The following MTHFD1 variants were observed in gnomAD, a reference collection of about 807,000 sequenced individuals.
The protein encoded by MTHFD1 is methylenetetrahydrofolate dehydrogenase, cyclohydrolase and formyltetrahydrofolate synthetase 1.
A neutral mutation model predicts 110.3 loss-of-function variants in MTHFD1; 44 were observed. The ratio of observed to expected loss-of-function variants is 0.40; its 90% CI spans 0.31 to 0.51. The LOEUF (loss-of-function observed/expected upper bound fraction) is 0.51, where lower values mean the gene tolerates loss of function less well. Ranked by LOEUF, MTHFD1 falls within the 20% of genes least tolerant of loss-of-function variation. The pLI is 0.60. For synonymous variants in MTHFD1, 402 were observed against 428.8 expected (o/e 0.94, Z 0.77); for missense variants, 909 against 1,173.1 (o/e 0.77, Z 3.29).
At chr14:64,404,921 A>G (rs1334753295) in intron 2 of MTHFD1, among the ~76,000 whole-genome samples, 1 of 152,038 alleles carries the variant, frequency 6.6e-6, no homozygotes, top group Non-Finnish European at 1.5e-5. Flanking sequence ...CAGTGAGCTG[A>G]GATTGTGCCA....
At chr14:64,406,498 T>TG (rs955985307) in intron 2 of MTHFD1, among the ~76,000 whole-genome samples, 3 of 148,246 alleles carry the variant, frequency 2.0e-5, no homozygotes, top group African/African-American at 5.0e-5. Context: ...TGGTTTTTTT[T>TG]TTTTTTTTTT....
Position 64,453,855 on chromosome 14 carries a change from G to A in MTHFD1, c.2559G>A (p.Thr853=), listed in dbSNP as rs776644712. The A allele has an allele frequency of 5.0e-6, 8 of 1,593,012 alleles. No individual in the cohort carries two copies. The highest frequency in any genetic ancestry group is 2.2e-5 in the East Asian group (1 of 44,756). The part of the protein sequence containing the change: ...PEAQHKAEVY[T]KQGFGNLPIC... Reference sequence around the variant, plus strand: ...CTCAACACAAAGCTGAAGTCTACACGAAGCAGGTAGATGTTTGGTTAGTTT... The same window carrying A: ...CTCAACACAAAGCTGAAGTCTACACAAAGCAGGTAGATGTTTGGTTAGTTT... Residue 853 remains threonine (T), a synonymous_variant, in exon 25 of 28, where the codon ACG becomes ACA. Coordinates refer to ENST00000652337, the MANE Select transcript of MTHFD1 (RefSeq NM_005956.4).
chr14:64,448,016 G>A (rs1482531414), intron 22 of MTHFD1: 6 of 608,588 alleles, frequency 9.9e-6, no homozygotes, highest in Non-Finnish European at 1.8e-5. Flanking sequence ...GTCATAGGCT[G>A]GAGTGAAAGC....
In MTHFD1 at chr14:64,431,586, G is replaced by T; in HGVS notation, c.1366G>T (p.Val456Phe). 6.2e-7 allele frequency: 1 copy of T among 1,614,146 alleles called. No individual in the cohort carries two copies. The highest frequency in any genetic ancestry group is 2.2e-5 in the East Asian group (1 of 44,878). Residue 456 changes from valine (V) to phenylalanine (F), a missense_variant, in exon 14 of 28, where the codon GTT becomes TTT. Around this residue, in one of 3 missense-constraint regions of MTHFD1, gnomAD observed 482 missense variants for 646.0 expected, o/e 0.75. Transcript: ENST00000652337. ...TGCCATCACTGCAGCTAATAACCTC[G>T]TTGCTGCGGCCATTGATGCTCGGAT... ...IHAITAANNL[V>F]AAAIDARIFH...
At position 64,459,957 on chromosome 14, in the gene MTHFD1, CTGTTT is replaced by C; in HGVS notation, c.*204_*208del. Reference sequence around the variant, plus strand: ...ATAAATTAACATAAATCATGCATGTCTGTTTACTTTAGTGACGTTCCACAGAATAA... The same window carrying C: ...ATAAATTAACATAAATCATGCATGTCACTTTAGTGACGTTCCACAGAATAA... On this transcript the variant is annotated 3_prime_UTR_variant, in exon 28 of 28. Coordinates refer to ENST00000652337, the MANE Select transcript of MTHFD1 (RefSeq NM_005956.4). The C allele has an allele frequency of 1.3e-6, 2 of 1,519,050 alleles. No individual in the cohort carries two copies. Among genetic ancestry groups the C allele is most frequent in the Non-Finnish European group, 1.8e-6 (2 of 1,132,444 alleles). The allele number at this position is 1,519,050 out of a possible 1,614,324, so 94.1% of individuals were successfully genotyped here.
intron 15 of MTHFD1, among the ~76,000 whole-genome samples, chr14:64,434,948 T>TG (rs2078192592): frequency 8.2e-6 from 1 of 121,576 alleles, no homozygotes; most frequent in East Asian, 2.4e-4. Flanking sequence ...CTCCCTCTTT[T>TG]CTTTTTTTTT....
intron 23 of MTHFD1, 72 bp from the exon 24 acceptor site, chr14:64,449,373 A>C (rs1428969262): frequency 6.4e-7 from 1 of 1,557,022 alleles, no homozygotes. Flanking sequence ...CATGAGGTTT[A>C]ATGGCAAAAA....
chr14:64,441,732 G>A, intron 19 of MTHFD1: 2 of 549,236 alleles, frequency 3.6e-6, no homozygotes, highest in Admixed American at 6.0e-5. Context: ...GAACCTGGGA[G>A]GCAGAGCTTG....
chr14:64,389,577 C>T (rs2077788448), intron 1 of MTHFD1, among the ~76,000 whole-genome samples: 1 of 152,032 alleles, frequency 6.6e-6, no homozygotes, highest in Admixed American at 6.6e-5. Flanking sequence ...AGTGTGGTGG[C>T]AGGCATCTGT....
At chr14:64,437,452 A>C (rs754308183) in intron 16 of MTHFD1, among the ~76,000 whole-genome samples, 6 of 152,182 alleles carry the variant, frequency 3.9e-5, no homozygotes, top group Non-Finnish European at 7.3e-5. Flanking sequence ...TCAGCACCTC[A>C]CTTCTGACAC....
intron 11 of MTHFD1, among the ~76,000 whole-genome samples, chr14:64,426,493 C>G (rs1225103195): frequency 6.6e-6 from 1 of 152,126 alleles, no homozygotes; most frequent in Non-Finnish European, 1.5e-5. Flanking sequence ...TGTTTTGAGA[C>G]AGAGTCTCGC....
At chr14:64,444,845 G>T in intron 22 of MTHFD1, 111 bp downstream of exon 22, 2 of 1,204,542 alleles carry the variant, frequency 1.7e-6, no homozygotes, top group Non-Finnish European at 2.5e-6. Flanking sequence ...GACCCAGGGT[G>T]CAGGGTGCCA....
intron 1 of MTHFD1, among the ~76,000 whole-genome samples, chr14:64,397,138 AATATATATATATATATATATATATATAT>A (rs1182197415): frequency 8.4e-4 from 10 of 11,946 alleles, no homozygotes; most frequent in East Asian, 2.6e-3. Flanking sequence ...AAAAAAAAAA[AATATATATATATATATATATATATATAT>A]ATATATATAT....
intron 19 of MTHFD1, 191 bp downstream of exon 19, chr14:64,441,644 A>C (rs2078249764): frequency 1.2e-5 from 7 of 596,642 alleles, no homozygotes; most frequent in Non-Finnish European, 1.8e-5. Context: ...GTCTCTACTA[A>C]AAATACAAAA....
chr14:64,452,851 T>C (rs2078397009), intron 24 of MTHFD1, among the ~76,000 whole-genome samples: 2 of 152,046 alleles, frequency 1.3e-5, no homozygotes, highest in South Asian at 2.1e-4. Context: ...AGTATTAGAA[T>C]AGAACATCTA....
At chr14:64,452,336 G>A (rs1427425402) in intron 24 of MTHFD1, among the ~76,000 whole-genome samples, 1 of 152,186 alleles carries the variant, frequency 6.6e-6, no homozygotes, top group Non-Finnish European at 1.5e-5. Flanking sequence ...TTTAGCTTTA[G>A]TTGCTATAAA....
chr14:64,442,293 G>A lies in MTHFD1; in HGVS notation c.2027G>A (p.Gly676Glu), dbSNP rs747534870. ...VTEAGFGADI[G>E]MEKFFNIKCR... ...GAAGCAGGATTTGGAGCAGACATTGGAATGGAAAAGTTTTTTAACATCAAA... is the reference window on the plus strand; with the variant it reads ...GAAGCAGGATTTGGAGCAGACATTGAAATGGAAAAGTTTTTTAACATCAAA... Residue 676 changes from glycine (G) to glutamate (E), a missense_variant, in exon 21 of 28, where the codon GGA becomes GAA. This residue lies in a region of MTHFD1 where 482 missense variants were observed against 646.0 expected (regional missense o/e 0.75). Transcript: ENST00000652337. The A allele has an allele frequency of 6.2e-7, 1 of 1,614,236 alleles. No individual in the cohort carries two copies. Among genetic ancestry groups the A allele is most frequent in the South Asian group, 1.1e-5 (1 of 91,084 alleles).
chr14:64,428,555 C>CT (rs34456417), intron 12 of MTHFD1, among the ~76,000 whole-genome samples: 42 of 133,912 alleles, frequency 3.1e-4, no homozygotes, highest in African/African-American at 6.3e-4. Flanking sequence ...ACCCTTCCAC[C>CT]TTTTTTTTTT....
Position 64,420,415 on chromosome 14 carries a change from C to T in MTHFD1, c.727+490C>T, listed in dbSNP as rs1275335444. Among the ~76,000 whole-genome samples the T allele has an allele frequency of 2.0e-5, 3 of 152,270 alleles. No individual in the cohort carries two copies. The East Asian group carries it at 5.8e-4, about 29-fold the overall frequency. The stretch of plus-strand genomic sequence containing the variant: ...CCTTTTAATCATGTCCAAAACTGTA[C>T]TCGGCATCCTCATCCCCAAGTTACC... On this transcript the variant is annotated intron_variant, in intron 8 of 27. Coordinates refer to ENST00000652337, the MANE Select transcript of MTHFD1 (RefSeq NM_005956.4).
Sources: gnomAD v4.1 joint callset for allele counts (sites outside exome capture counted in the v4.1 genomes callset) on GRCh38, gnomAD v4.1.1 for gene constraint, gnomAD v4.1.1 regional missense constraint, MANE v1.5 for transcripts, NCBI Gene and HGNC (gene_info 2026-07-23, HGNC 2026-07-21) for gene names.